Variants in MIPEP observed in about 807,000 individuals in gnomAD.
The protein encoded by MIPEP is mitochondrial intermediate peptidase.
Under a neutral mutation model 90.3 loss-of-function variants are expected in MIPEP, and 79 were observed. That is an observed-to-expected ratio of 0.87 (90% CI 0.73 to 1.05). MIPEP has a LOEUF of 1.05. Ranked by LOEUF, MIPEP falls within the 50% of genes least tolerant of loss-of-function variation. The pLI is 0.00. For synonymous variants in MIPEP, 334 were observed against 315.8 expected, an observed-to-expected ratio of 1.06 and a Z score of -0.61; for missense variants, 940 against 905.6, an observed-to-expected ratio of 1.04 and a Z score of -0.49.
Position 23,752,197 on chromosome 13 carries a change from C to T in MIPEP, c.2044+4348G>A, listed in dbSNP as rs189107192. On this transcript the variant is annotated intron_variant, in intron 18 of 18. Transcript: ENST00000382172. ...CTAAAAACTCAGTAAGAGGGATTTA[C>T]CTAAAAATTTTACATAACATAAAAC... Among the ~76,000 whole-genome samples the T allele has an allele frequency of 1.2e-4, 19 of 152,196 alleles. No homozygotes were observed. The East Asian group carries it at 3.3e-3, about 26-fold the overall frequency.
chr13:23,853,056 ATAT>A (rs1869874666), intron 10 of MIPEP, among the ~76,000 whole-genome samples: 1 of 152,226 alleles, frequency 6.6e-6, no homozygotes, highest in Non-Finnish European at 1.5e-5. Flanking sequence ...TTCAAGCTAA[ATAT>A]TATTACAAAA....
At chr13:23,887,996 G>T (rs1483749366) in intron 1 of MIPEP, 1 of 360,618 alleles carries the variant, frequency 2.8e-6, no homozygotes, top group Non-Finnish European at 5.3e-6. Flanking sequence ...CTAACTATCG[G>T]ATTACCAGTG....
chr13:23,737,889 T>G (rs993666829), intron 18 of MIPEP, among the ~76,000 whole-genome samples: 7 of 152,218 alleles, frequency 4.6e-5, no homozygotes, highest in Admixed American at 4.6e-4. Context: ...AGTAGAATTA[T>G]TTTAAAGCTT....
At chr13:23,797,086 T>G (rs17079354) in intron 16 of MIPEP, among the ~76,000 whole-genome samples, 20,086 of 152,252 alleles carry the variant, frequency 0.13, 1,457 homozygotes, top group African/African-American at 0.16. Flanking sequence ...TTAAAAATTT[T>G]GGGTTTTGCT....
At chr13:23,880,648 A>G (rs193039742) in intron 3 of MIPEP, among the ~76,000 whole-genome samples, 1 of 152,066 alleles carries the variant, frequency 6.6e-6, no homozygotes, top group African/African-American at 2.4e-5. Flanking sequence ...GGGAGTCCCC[A>G]CTTTCAGCCC....
chr13:23,743,532 G>A (rs991067158), intron 18 of MIPEP, among the ~76,000 whole-genome samples: 1 of 152,230 alleles, frequency 6.6e-6, no homozygotes, highest in Non-Finnish European at 1.5e-5. Context: ...CCCTGTGCTG[G>A]ATTGGTATCT....
At chr13:23,854,060 T>G (rs1869930723) in intron 10 of MIPEP, among the ~76,000 whole-genome samples, 1 of 150,132 alleles carries the variant, frequency 6.7e-6, no homozygotes, top group South Asian at 2.2e-4. Context: ...GCGCGGTGGC[T>G]CACGCCTGTA....
At chr13:23,841,739 T>C (rs9551013) in intron 10 of MIPEP, among the ~76,000 whole-genome samples, 29,345 of 152,144 alleles carry the variant, frequency 0.19, 3,297 homozygotes, top group Non-Finnish European at 0.25. Flanking sequence ...GTCCCTTCCC[T>C]GTTATTTACT....
chr13:23,810,440 T>C (rs1022288693), intron 14 of MIPEP, among the ~76,000 whole-genome samples: 3 of 152,216 alleles, frequency 2.0e-5, no homozygotes, highest in African/African-American at 7.2e-5. Context: ...GAAAGAACTG[T>C]AGAGCTTGGA....
intron 18 of MIPEP, among the ~76,000 whole-genome samples, chr13:23,734,180 T>G (rs1477235642): frequency 6.6e-6 from 1 of 152,238 alleles, no homozygotes; most frequent in Non-Finnish European, 1.5e-5. Flanking sequence ...TGCTAGCCTA[T>G]CACGCCATTT....
intron 16 of MIPEP, among the ~76,000 whole-genome samples, chr13:23,802,972 T>TA (rs1953062482): frequency 6.6e-6 from 1 of 152,212 alleles, no homozygotes; most frequent in Admixed American, 6.5e-5. Context: ...ATTTTTGACT[T>TA]ATGATAGTTT....
In MIPEP at chr13:23,730,309, T is replaced by C. The variant is rs567179806; in HGVS notation, c.*39A>G. ...TGTAGCATTTATAACAAAGTCATTA[T>C]CTACATGACCTTGATTTAAGAGGTG... On this transcript the variant is annotated 3_prime_UTR_variant, in exon 19 of 19. Coordinates refer to ENST00000382172, the MANE Select transcript of MIPEP (RefSeq NM_005932.4). 6.4e-5 allele frequency: 84 copies of C among 1,312,550 alleles called. 1 individual carries two copies. The South Asian group carries it at 8.9e-4, about 14-fold the overall frequency. The allele number at this position is 1,312,550 out of a possible 1,614,324, so 81.3% of individuals were successfully genotyped here.
rs183596728 is a variant in MIPEP at position 23,809,655 on chromosome 13, T to C, written c.1728+195A>G. Among the ~76,000 whole-genome samples, 1,000 of 152,330 alleles carry C rather than the reference T, an allele frequency of 6.6e-3. 4 individuals are homozygous for C. Among genetic ancestry groups the C allele is most frequent in the Non-Finnish European group, 0.01 (700 of 68,028 alleles). On this transcript the variant is annotated intron_variant, in intron 15 of 18. Coordinates refer to ENST00000382172, the MANE Select transcript of MIPEP (RefSeq NM_005932.4). Reference sequence around the variant, plus strand: ...ACTGTGCCTGGCCAGGAAATAATTTTATTCAACGCCTACTTCATAAGGGCA... The same window carrying C: ...ACTGTGCCTGGCCAGGAAATAATTTCATTCAACGCCTACTTCATAAGGGCA...
intron 17 of MIPEP, among the ~76,000 whole-genome samples, chr13:23,757,548 A>G (rs1952501016): frequency 6.6e-6 from 1 of 152,204 alleles, no homozygotes; most frequent in Non-Finnish European, 1.5e-5. Context: ...AATAAAGAAG[A>G]GAAAAAGAAC....
intron 16 of MIPEP, among the ~76,000 whole-genome samples, chr13:23,804,793 A>G (rs1258749583): frequency 6.6e-6 from 1 of 152,218 alleles, no homozygotes; most frequent in Non-Finnish European, 1.5e-5. Flanking sequence ...ATCTCTTAGC[A>G]CAACATATTC....
chr13:23,877,424 C>T (rs1871113457), intron 4 of MIPEP, among the ~76,000 whole-genome samples: 1 of 152,104 alleles, frequency 6.6e-6, no homozygotes, highest in Non-Finnish European at 1.5e-5. Context: ...ATTATATTTT[C>T]TGGAGAATGT....
intron 3 of MIPEP, 35 bp downstream of exon 3, chr13:23,881,664 C>T (rs778944014): frequency 3.0e-5 from 46 of 1,547,162 alleles, no homozygotes; most frequent in East Asian, 2.2e-5. Flanking sequence ...TCACCCAGGA[C>T]TTGGCATGGA....
At chr13:23,797,993 G>C (rs1386544287) in intron 16 of MIPEP, among the ~76,000 whole-genome samples, 1 of 152,184 alleles carries the variant, frequency 6.6e-6, no homozygotes, top group Non-Finnish European at 1.5e-5. Context: ...TCGAATACAG[G>C]CTCCATGAGA....
intron 14 of MIPEP, among the ~76,000 whole-genome samples, chr13:23,821,523 C>A (rs729137): frequency 6.6e-6 from 1 of 151,874 alleles, no homozygotes; most frequent in Non-Finnish European, 1.5e-5. Flanking sequence ...TCACAAGACT[C>A]TCTGGGCTCA....
Sources: allele counts gnomAD v4.1 joint callset (sites outside exome capture counted in the v4.1 genomes callset), GRCh38; gene constraint gnomAD v4.1.1; transcripts MANE v1.5; gene names NCBI Gene and HGNC (gene_info 2026-07-23, HGNC 2026-07-21).